The following MTMR14 variants were observed in gnomAD, a reference collection of about 807,000 sequenced individuals.
MTMR14 encodes myotubularin related protein 14, also known as phosphatidylinositol-3,5-bisphosphate 3-phosphatase MTMR14.
MTMR14 carries 48 observed loss-of-function variants against 86.3 expected under a neutral mutation model. The observed-to-expected ratio is 0.56, with a 90% CI of 0.44 to 0.71. The LOEUF is 0.71. Among genes scored for constraint, MTMR14 ranks in the 30% least tolerant of loss-of-function variants. MTMR14 has a pLI of 0.00. For synonymous variants in MTMR14, 366 were observed against 326.1 expected (o/e 1.12, Z -1.32); for missense variants, 780 against 834.6 (o/e 0.93, Z 0.81).
At chr3:9,667,696 A>G (rs2048331021) in intron 3 of MTMR14, among the ~76,000 whole-genome samples, 2 of 151,650 alleles carry the variant, frequency 1.3e-5, no homozygotes, top group South Asian at 4.2e-4. Context: ...CCACGTCCCC[A>G]CCCCTTGTCT....
At chr3:9,672,853 G>C (rs936682048) in intron 7 of MTMR14, 95 bp downstream of exon 7, 1 of 1,163,188 alleles carries the variant, frequency 8.6e-7, no homozygotes, top group Admixed American at 1.7e-5. Context: ...GGCGCCCTGG[G>C]AGCTTTCCTG....
At chr3:9,669,096 C>T (rs149497324) in intron 4 of MTMR14, among the ~76,000 whole-genome samples, 1,662 of 150,832 alleles carry the variant, frequency 0.011, 43 homozygotes, top group African/African-American at 0.038. Context: ...GCCGAGATCA[C>T]GCCACTGCAC....
chr3:9,694,102 G>T (rs1325518447), intron 17 of MTMR14, among the ~76,000 whole-genome samples: 1 of 152,148 alleles, frequency 6.6e-6, no homozygotes, highest in Non-Finnish European at 1.5e-5. Flanking sequence ...TAGAAGCTGT[G>T]TGCTTTACTC....
At chr3:9,671,261 G>A (rs1040671758) in intron 6 of MTMR14, 91 bp downstream of exon 6, 12 of 1,572,482 alleles carry the variant, frequency 7.6e-6, no homozygotes, top group Non-Finnish European at 1.0e-5. Context: ...CTGCGTGCTG[G>A]CCTTCTTACA....
chr3:9,687,616 T>G lies in MTMR14; in HGVS notation c.1165-205T>G, dbSNP rs552135301. On this transcript the variant is annotated intron_variant, in intron 13 of 18. Transcript: ENST00000296003. ...CAGTCCCAGGAAGGAAATCCCTTCCTGCCTTGCCCCGGCCCACATGCATCT... is the reference window on the plus strand; with the variant it reads ...CAGTCCCAGGAAGGAAATCCCTTCCGGCCTTGCCCCGGCCCACATGCATCT... 5.3e-5 allele frequency among the ~76,000 whole-genome samples: 8 copies of G among 150,794 alleles called. 1 individual carries two copies. In the South Asian group the frequency reaches 1.7e-3, roughly 32 times the overall value.
intron 3 of MTMR14, among the ~76,000 whole-genome samples, chr3:9,666,133 G>GTT (rs1241278468): frequency 6.8e-4 from 80 of 117,232 alleles, no homozygotes; most frequent in African/African-American, 8.4e-4. Context: ...AAGTTTGTTG[G>GTT]TTTTTTTTTT....
chr3:9,660,291 G>A (rs1323019924), intron 2 of MTMR14, among the ~76,000 whole-genome samples: 3 of 150,906 alleles, frequency 2.0e-5, no homozygotes, highest in Non-Finnish European at 3.0e-5. Flanking sequence ...ACGGAGTCTC[G>A]CCCTTCGCCC....
intron 17 of MTMR14, among the ~76,000 whole-genome samples, chr3:9,694,861 G>C (rs542440199): frequency 1.1e-4 from 16 of 152,336 alleles, no homozygotes; most frequent in Non-Finnish European, 1.9e-4. Flanking sequence ...CTGCAGCTCT[G>C]GGTGCTGTGA....
At chr3:9,667,900 CCTGT>C (rs2048341957) in intron 3 of MTMR14, among the ~76,000 whole-genome samples, 1 of 152,280 alleles carries the variant, frequency 6.6e-6, no homozygotes, top group Non-Finnish European at 1.5e-5. Context: ...AGCTTCACTC[CCTGT>C]CTGTCACCTC....
intron 3 of MTMR14, among the ~76,000 whole-genome samples, chr3:9,668,307 A>C (rs2048367914): frequency 6.6e-6 from 1 of 152,106 alleles, no homozygotes; most frequent in South Asian, 2.1e-4. Context: ...CTTACACATC[A>C]CTTAACCTCC....
At position 9,694,743 on chromosome 3, in the gene MTMR14, G is replaced by A. The variant is rs936571692; in HGVS notation, c.1614-2968G>A. Among the ~76,000 whole-genome samples the A allele has an allele frequency of 3.9e-5, 6 of 152,186 alleles. No homozygotes were observed. In the East Asian group the frequency reaches 9.6e-4, roughly 24 times the overall value. Reference sequence around the variant, plus strand: ...ATTCTTGCCTGGGTTGAGCCAGCTCGGTTTGTGTGAGTATTCTTGTACCCC... The same window carrying A: ...ATTCTTGCCTGGGTTGAGCCAGCTCAGTTTGTGTGAGTATTCTTGTACCCC... On this transcript the variant is annotated intron_variant, in intron 17 of 18. Transcript: ENST00000296003.
intron 16 of MTMR14, among the ~76,000 whole-genome samples, 199 bp downstream of exon 16, chr3:9,689,281 A>G (rs918383154): frequency 6.6e-6 from 1 of 152,260 alleles, no homozygotes; most frequent in Non-Finnish European, 1.5e-5. Flanking sequence ...GTGGTGGCCC[A>G]GGAACATAAA....
At chr3:9,675,540 A>C (rs891470226) in intron 7 of MTMR14, 7 of 456,762 alleles carry the variant, frequency 1.5e-5, no homozygotes, top group Non-Finnish European at 3.1e-5. Flanking sequence ...CGTTTCTTTC[A>C]GCACACCAAA....
In MTMR14 at chr3:9,685,369, C is replaced by T. The variant is rs111747085; in HGVS notation, c.1164+122C>T. ...GCCCCAGGTGTGCAGGGATGTGGCCCCCTGTCATCTCCTCCTGAGGCAGCG... is the reference window on the plus strand; with the variant it reads ...GCCCCAGGTGTGCAGGGATGTGGCCTCCTGTCATCTCCTCCTGAGGCAGCG... On this transcript the variant is annotated intron_variant, in intron 13 of 18. Coordinates refer to ENST00000296003, the MANE Select transcript of MTMR14 (RefSeq NM_001077525.3). 7.1e-5 allele frequency: 85 copies of T among 1,205,112 alleles called. 3 individuals are homozygous for T. In the African/African-American group the frequency reaches 1.0e-3, roughly 14 times the overall value. The allele number at this position is 1,205,112 out of a possible 1,614,324, so 74.7% of individuals were successfully genotyped here.
intron 18 of MTMR14, chr3:9,699,776 G>C (rs1395194757): frequency 6.6e-6 from 1 of 152,408 alleles, no homozygotes; most frequent in Non-Finnish European, 1.5e-5. Flanking sequence ...GCAGGGCAGT[G>C]AGAATGCTCA....
intron 14 of MTMR14, among the ~76,000 whole-genome samples, chr3:9,688,355 C>G (rs1177547900): frequency 6.6e-6 from 1 of 152,204 alleles, no homozygotes; most frequent in African/African-American, 2.4e-5. Flanking sequence ...TGGCAACTGC[C>G]TTAGGACCCC....
At chr3:9,686,275 A>G (rs1013402133) in intron 13 of MTMR14, among the ~76,000 whole-genome samples, 2 of 152,186 alleles carry the variant, frequency 1.3e-5, no homozygotes, top group Non-Finnish European at 2.9e-5. Flanking sequence ...GTGCTTCAAG[A>G]AGCCTTTTTG....
chr3:9,682,864 G>A lies in MTMR14; in HGVS notation c.898-314G>A, dbSNP rs931920309. ...CCCAGCACTTAGAGGACCCTAATGT[G>A]GGCAGGGGGCTCTGGGTCACCCTGG... On this transcript the variant is annotated intron_variant, in intron 9 of 18. Transcript: ENST00000296003. Among the ~76,000 whole-genome samples the A allele has an allele frequency of 3.5e-4, 53 of 152,224 alleles. 1 individual carries two copies. Among genetic ancestry groups the A allele is most frequent in the Non-Finnish European group, 8.8e-5 (6 of 68,004 alleles).
intron 7 of MTMR14, among the ~76,000 whole-genome samples, chr3:9,675,327 A>C (rs377585927): frequency 6.6e-6 from 1 of 152,220 alleles, no homozygotes; most frequent in Non-Finnish European, 1.5e-5. Flanking sequence ...GGGTTTTTTT[A>C]CATAACTTCT....
Sources: allele counts gnomAD v4.1 joint callset (sites outside exome capture counted in the v4.1 genomes callset), GRCh38; gene constraint gnomAD v4.1.1; transcripts MANE v1.5; gene names NCBI Gene and HGNC (gene_info 2026-07-23, HGNC 2026-07-21).